Variants in TMEM131 observed in about 807,000 individuals in gnomAD.
TMEM131 encodes transmembrane protein 131.
TMEM131 carries 66 observed loss-of-function variants against 211.6 expected under a neutral mutation model. The observed-to-expected ratio is 0.31, with a 90% confidence interval of 0.26 to 0.38. TMEM131 has a LOEUF of 0.38. TMEM131 is among the 10% of genes least tolerant of loss of function. TMEM131 has a pLI of 1.00. For synonymous variants in TMEM131, 844 were observed against 841.3 expected (o/e 1.00, Z -0.06); for missense variants, 2,036 against 2,299.3 (o/e 0.89, Z 2.34).
intron 18 of TMEM131, 74 bp downstream of exon 18, chr2:97,811,054 G>T: frequency 9.6e-7 from 1 of 1,043,550 alleles, no homozygotes; most frequent in Non-Finnish European, 1.5e-6. Context: ...TTAATTCTTT[G>T]GTTTCATAAA....
At chr2:97,961,328 A>G (rs545313735) in intron 1 of TMEM131, among the ~76,000 whole-genome samples, 1 of 152,328 alleles carries the variant, frequency 6.6e-6, no homozygotes, top group African/African-American at 2.4e-5. Context: ...ACTTGTATAC[A>G]ATATACAATT....
chr2:97,821,776 G>A (rs778110708), intron 11 of TMEM131, among the ~76,000 whole-genome samples: 15 of 152,106 alleles, frequency 9.9e-5, no homozygotes, highest in Admixed American at 3.9e-4. Context: ...AGTTAAAAGC[G>A]ACTGGCACAG....
At chr2:97,859,173 A>C in intron 5 of TMEM131, 131 bp downstream of exon 5, 1 of 976,812 alleles carries the variant, frequency 1.0e-6, no homozygotes, top group Non-Finnish European at 1.5e-6. Flanking sequence ...ATTCTTAGGA[A>C]GTGAAACAAA....
In TMEM131 at chr2:97,924,248, T is replaced by G. The variant is rs528894301; in HGVS notation, c.249+3178A>C. Among the ~76,000 whole-genome samples the G allele has an allele frequency of 5.9e-5, 9 of 152,202 alleles. No homozygotes were observed. The South Asian group carries it at 1.9e-3, about 32-fold the overall frequency. On this transcript the variant is annotated intron_variant, in intron 2 of 40. Coordinates refer to ENST00000186436, the MANE Select transcript of TMEM131 (RefSeq NM_015348.2). ...AATACAAAAAATTGGATGGGTATGG[T>G]GGCATGTGCCTGTAGTCCCAGCTAC... is the stretch of plus-strand genomic sequence containing the variant.
At chr2:97,989,423 A>G (rs1680166384) in intron 1 of TMEM131, among the ~76,000 whole-genome samples, 1 of 152,196 alleles carries the variant, frequency 6.6e-6, no homozygotes, top group African/African-American at 2.4e-5. Context: ...ATAAACACAG[A>G]AAGTAGAATG....
rs147791321 is a variant in TMEM131, at chr2:97,929,244, G to C, written c.188-1757C>G. ...AGGAAGGTAAGAATCAACAGAAAGA[G>C]CTCCCAAATGACCAAAGCTGAAACA... On this transcript the variant is annotated intron_variant, in intron 1 of 40. Coordinates refer to ENST00000186436, the MANE Select transcript of TMEM131 (RefSeq NM_015348.2). Among the ~76,000 whole-genome samples the C allele has an allele frequency of 1.4e-3, 218 of 151,782 alleles. 6 individuals carry two copies. The highest frequency in any genetic ancestry group is 5.1e-3 in the African/African-American group (208 of 41,140).
intron 4 of TMEM131, among the ~76,000 whole-genome samples, chr2:97,875,399 A>C (rs769579528): frequency 6.6e-6 from 1 of 152,306 alleles, no homozygotes; most frequent in Non-Finnish European, 1.5e-5. Context: ...CTCCACCCCT[A>C]ATCAACAGAA....
rs558560443 is a variant in TMEM131, at chr2:97,970,274, A to C, written c.187+25202T>G. ...CCCAAGGAACTGCTCAGTAGGGAGC[A>C]TAAGGGTATCAAGGCTGATCCAAGA... On this transcript the variant is annotated intron_variant, in intron 1 of 40. Transcript: ENST00000186436. 5.7e-4 allele frequency among the ~76,000 whole-genome samples: 87 copies of C among 152,288 alleles called. 1 individual carries two copies. The South Asian group carries it at 0.018, about 32-fold the overall frequency.
intron 33 of TMEM131, among the ~76,000 whole-genome samples, chr2:97,768,181 A>G (rs57960138): frequency 0.02 from 3,039 of 152,332 alleles, 118 homozygotes; most frequent in African/African-American, 0.068. Context: ...GTTAGCCCAA[A>G]TAACTAGAAT....
At chr2:97,895,667 T>C (rs1238426886) in intron 3 of TMEM131, among the ~76,000 whole-genome samples, 4 of 152,226 alleles carry the variant, frequency 2.6e-5, no homozygotes, top group East Asian at 1.9e-4. Flanking sequence ...GAGGTGTTTA[T>C]AGTATTCTCT....
In TMEM131 at chr2:97,991,763, T is replaced by C. The variant is rs546234961; in HGVS notation, c.187+3713A>G. On this transcript the variant is annotated intron_variant, in intron 1 of 40. Transcript: ENST00000186436. Reference sequence around the variant, plus strand: ...CCAATCAGAGCGCTTGAGTCACATATAGGCAAGAGAGAGAACACCTAAAAT... The same window carrying C: ...CCAATCAGAGCGCTTGAGTCACATACAGGCAAGAGAGAGAACACCTAAAAT... Among the ~76,000 whole-genome samples the C allele has an allele frequency of 1.4e-4, 21 of 152,308 alleles. No homozygotes were observed. In the South Asian group the frequency reaches 3.3e-3, roughly 24 times the overall value.
At chr2:97,833,159 G>A (rs1443267995) in intron 11 of TMEM131, among the ~76,000 whole-genome samples, 1 of 152,138 alleles carries the variant, frequency 6.6e-6, no homozygotes, top group Admixed American at 6.6e-5. Context: ...AACTTACTTT[G>A]AAAAGATTGC....
At position 97,775,953 on chromosome 2, in the gene TMEM131, C is replaced by T; in HGVS notation, c.4210G>A (p.Gly1404Arg). The change falls in exon 32 of 41, where the codon GGA becomes AGA. Residue 1404 changes from glycine (G) to arginine (R), a missense_variant. Gly to Arg is a moderately radical substitution (Grantham distance 125). Transcript: ENST00000186436. Reference sequence around the variant, plus strand: ...TCATCTTCCTGTGGCTTTCCCTTTCCCTTCTTCTCCTTTTCCTCTTGCTTC... The same window carrying T: ...TCATCTTCCTGTGGCTTTCCCTTTCTCTTCTTCTCCTTTTCCTCTTGCTTC... ...PKKQEEKEKK[G>R]KGKPQEDELK... The T allele has an allele frequency of 6.2e-7, 1 of 1,613,988 alleles. No individual in the cohort carries two copies. Among genetic ancestry groups the T allele is most frequent in the Non-Finnish European group, 8.5e-7 (1 of 1,179,886 alleles).
intron 25 of TMEM131, among the ~76,000 whole-genome samples, chr2:97,799,533 G>C (rs1315516036): frequency 6.6e-6 from 1 of 152,214 alleles, no homozygotes; most frequent in Non-Finnish European, 1.5e-5. Context: ...TGAGCCTACT[G>C]AAGTATTTGT....
chr2:97,766,014 T>A (rs1046889732), intron 35 of TMEM131, 100 bp downstream of exon 35: 1 of 1,454,096 alleles, frequency 6.9e-7, no homozygotes, highest in East Asian at 2.3e-5. Flanking sequence ...GCACTGTCAA[T>A]GGGTATTTTA....
rs1026425545 is a variant in TMEM131 at position 97,932,995 on chromosome 2, C to T, written c.188-5508G>A. Among the ~76,000 whole-genome samples the T allele has an allele frequency of 7.9e-5, 12 of 152,258 alleles. 1 individual carries two copies. The East Asian group carries it at 2.1e-3, about 27-fold the overall frequency. Reference sequence around the variant, plus strand: ...TATGTTTAGATACACGAAAACTTGCCATTGTGTTACAACTGCCTACAGTAT... The same window carrying T: ...TATGTTTAGATACACGAAAACTTGCTATTGTGTTACAACTGCCTACAGTAT... On this transcript the variant is annotated intron_variant, in intron 1 of 40. Coordinates refer to ENST00000186436, the MANE Select transcript of TMEM131 (RefSeq NM_015348.2).
At chr2:97,821,381 C>T (rs570075513) in intron 11 of TMEM131, among the ~76,000 whole-genome samples, 12 of 152,254 alleles carry the variant, frequency 7.9e-5, no homozygotes, top group South Asian at 4.1e-4. Flanking sequence ...CAGCAGGACG[C>T]GGGCAGGGCC....
chr2:97,917,676 G>T (rs946338599), intron 2 of TMEM131, among the ~76,000 whole-genome samples: 3 of 152,190 alleles, frequency 2.0e-5, no homozygotes, highest in African/African-American at 7.2e-5. Flanking sequence ...AGCAAGAAGT[G>T]CTGAGCAAAG....
chr2:97,916,610 G>A (rs1042274736), intron 2 of TMEM131, among the ~76,000 whole-genome samples: 3 of 152,176 alleles, frequency 2.0e-5, no homozygotes, highest in Non-Finnish European at 4.4e-5. Context: ...TGTAGAGTGA[G>A]AAAATCTAGC....
Sources: allele counts gnomAD v4.1 joint callset (sites outside exome capture counted in the v4.1 genomes callset), GRCh38; gene constraint gnomAD v4.1.1; transcripts MANE v1.5; gene names NCBI Gene and HGNC (gene_info 2026-07-23, HGNC 2026-07-21).